The following HTATIP2 variants were observed in gnomAD, a reference collection of about 807,000 sequenced individuals.
HTATIP2 encodes the protein protein HTATIP2.
A neutral mutation model predicts 24.7 loss-of-function variants in HTATIP2; 26 were observed. The observed-to-expected ratio is 1.05, with a 90% CI of 0.77 to 1.46. The LOEUF is 1.46. Ranked by LOEUF, HTATIP2 falls within the 40% of genes most tolerant of loss-of-function variation. The pLI, the probability that HTATIP2 is intolerant of heterozygous loss-of-function variation, is 0.00. For synonymous variants in HTATIP2, 99 were observed against 113.2 expected (o/e 0.87, Z 0.79); for missense variants, 284 against 289.6 (o/e 0.98, Z 0.14).
chr11:20,375,094 G>A (rs781744704), intron 2 of HTATIP2, among the ~76,000 whole-genome samples: 4 of 151,962 alleles, frequency 2.6e-5, no homozygotes, highest in Non-Finnish European at 4.4e-5. Flanking sequence ...CTCTGCTCTC[G>A]GCTCTCCCAC....
At chr11:20,377,257 A>G (rs1848461086) in intron 3 of HTATIP2, among the ~76,000 whole-genome samples, 1 of 150,428 alleles carries the variant, frequency 6.6e-6, no homozygotes, top group Non-Finnish European at 1.5e-5. Flanking sequence ...TAATTTTTGT[A>G]TTTTTGGTAG....
At position 20,365,717 on chromosome 11, in the gene HTATIP2, A is replaced by C. The variant is rs2064693307; in HGVS notation, c.195+1285A>C. Among the ~76,000 whole-genome samples the C allele has an allele frequency of 2.6e-5, 4 of 152,204 alleles. 1 individual carries two copies. The South Asian group carries it at 8.3e-4, about 32-fold the overall frequency. ...CTGGGCGTGGTGGCTCATGCCTGTA[A>C]TCCCAGAGCTTTGGGAGTCCGAGGC... On this transcript the variant is annotated intron_variant, in intron 1 of 4. Transcript: ENST00000451739.
chr11:20,377,727 GATCT>G (rs1407199990), intron 3 of HTATIP2, among the ~76,000 whole-genome samples: 9 of 152,224 alleles, frequency 5.9e-5, no homozygotes, highest in Non-Finnish European at 1.3e-4. Flanking sequence ...TTTTGGGTCA[GATCT>G]ACTTGTCCAA....
intron 3 of HTATIP2, 35 bp from the exon 4 acceptor site, chr11:20,382,143 C>G: frequency 7.6e-7 from 1 of 1,309,960 alleles, no homozygotes; most frequent in Non-Finnish European, 1.1e-6. Context: ...GAGCTGGTCG[C>G]GATTAAATAC....
At chr11:20,381,461 A>AT (rs2133280133) in intron 3 of HTATIP2, among the ~76,000 whole-genome samples, 1 of 152,158 alleles carries the variant, frequency 6.6e-6, no homozygotes, top group South Asian at 2.1e-4. Flanking sequence ...ACATAAATAA[A>AT]TAAATAATTA....
chr11:20,376,509 C>A, intron 2 of HTATIP2, 71 bp from the exon 3 acceptor site: 15 of 1,564,528 alleles, frequency 9.6e-6, no homozygotes, highest in Non-Finnish European at 1.1e-5. Context: ...GCCTGCTACC[C>A]AAGCCAAGTA....
intron 3 of HTATIP2, among the ~76,000 whole-genome samples, chr11:20,380,523 T>TTAG: frequency 1.3e-5 from 2 of 152,030 alleles, no homozygotes; most frequent in South Asian, 4.2e-4. Context: ...ATACAAAAAA[T>TTAG]TAGCCGGGCG....
intron 2 of HTATIP2, 145 bp downstream of exon 2, chr11:20,367,426 C>T: frequency 1.3e-6 from 2 of 1,534,508 alleles, no homozygotes; most frequent in South Asian, 1.2e-5. Flanking sequence ...GCTGCACTAA[C>T]CTTTGGTATC....
At chr11:20,382,347 G>A (rs1848533286) in intron 4 of HTATIP2, 108 bp downstream of exon 4, 6 of 676,236 alleles carry the variant, frequency 8.9e-6, no homozygotes, top group Non-Finnish European at 1.5e-5. Context: ...AGATATGAAA[G>A]ACATTGGCTA....
At chr11:20,365,536 G>C (rs759470766) in intron 1 of HTATIP2, among the ~76,000 whole-genome samples, 24 of 152,146 alleles carry the variant, frequency 1.6e-4, no homozygotes, top group Non-Finnish European at 2.4e-4. Flanking sequence ...CTTGATTCTC[G>C]CAGGTCTGTG....
intron 3 of HTATIP2, among the ~76,000 whole-genome samples, chr11:20,378,721 A>T (rs554736011): frequency 3.3e-5 from 5 of 152,180 alleles, no homozygotes; most frequent in Non-Finnish European, 7.3e-5. Flanking sequence ...ATTTGCGTGG[A>T]AACAGGTACT....
chr11:20,382,960 T>TTTC lies in HTATIP2; in HGVS notation c.504-18_504-17insCTT. 2 of 1,368,942 alleles carry TTTC rather than the reference T, an allele frequency of 1.5e-6. No homozygotes were observed. Among genetic ancestry groups the TTTC allele is most frequent in the Admixed American group, 2.1e-5 (1 of 47,068 alleles). The allele number at this position is 1,368,942 out of a possible 1,614,324, so 84.8% of individuals were successfully genotyped here. ...CCTCTTCCTCTGCTTTTCTTTCTTT[T>TTTC]TTTTTTTTTTTTATTTTAGAGTTCT... On this transcript the variant is annotated intron_variant, in intron 4 of 4. Coordinates refer to ENST00000451739, the MANE Select transcript of HTATIP2 (RefSeq NM_001098522.2).
At chr11:20,368,945 G>GCCTTGCTT (rs2064742153) in intron 2 of HTATIP2, among the ~76,000 whole-genome samples, 1 of 152,098 alleles carries the variant, frequency 6.6e-6, no homozygotes. Context: ...AGCAAGAATA[G>GCCTTGCTT]ACTAATGAGC....
At position 20,376,605 on chromosome 11, in the gene HTATIP2, A is replaced by C; in HGVS notation, c.329A>C (p.Asp110Ala). The change falls in exon 3 of 5, where the codon GAT becomes GCT. Residue 110 changes from aspartate (D) to alanine (A), a missense_variant. Physicochemically the swap from Asp to Ala is moderately radical, Grantham distance 126. Coordinates refer to ENST00000451739, the MANE Select transcript of HTATIP2 (RefSeq NM_001098522.2). ...GAGGGATTTGTTCGTGTTGACCGAGATTATGTGCTGAAGTCTGCAGAGCTG... is the reference window on the plus strand; with the variant it reads ...GAGGGATTTGTTCGTGTTGACCGAGCTTATGTGCTGAAGTCTGCAGAGCTG... The part of the protein sequence containing the change: ...GAEGFVRVDR[D>A]YVLKSAELAK... The C allele has an allele frequency of 6.2e-7, 1 of 1,613,998 alleles. No individual in the cohort carries two copies. The highest frequency in any genetic ancestry group is 8.5e-7 in the Non-Finnish European group (1 of 1,179,940).
rs779615431 is a variant in HTATIP2 at position 20,364,229 on chromosome 11, T to C, written c.-9T>C. ...TAAGACCGGCATCTGTCGATGTTAT[T>C]TCCCCAGCATGGCCGAAACAGAAGC... On this transcript the variant is annotated 5_prime_UTR_variant, in exon 1 of 5. Coordinates refer to ENST00000451739, the MANE Select transcript of HTATIP2 (RefSeq NM_001098522.2). The C allele has an allele frequency of 1.3e-6, 2 of 1,589,238 alleles. No homozygotes were observed. The highest frequency in any genetic ancestry group is 2.7e-5 in the African/African-American group (2 of 74,202).
intron 2 of HTATIP2, 164 bp downstream of exon 2, chr11:20,367,445 A>G (rs2064723587): frequency 1.3e-6 from 2 of 1,491,544 alleles, no homozygotes; most frequent in Admixed American, 4.9e-5. Context: ...TCCTTTTAAT[A>G]GTACTGATAA....
chr11:20,367,761 G>A (rs1207120444), intron 2 of HTATIP2: 6 of 684,160 alleles, frequency 8.8e-6, no homozygotes, highest in Non-Finnish European at 9.2e-6. Context: ...AGCCTCCAGC[G>A]ATGACTCAGC....
intron 3 of HTATIP2, 36 bp from the exon 4 acceptor site, chr11:20,382,142 G>A (rs768872212): frequency 1.0e-5 from 13 of 1,273,652 alleles, no homozygotes; most frequent in East Asian, 4.6e-5. Flanking sequence ...TGAGCTGGTC[G>A]CGATTAAATA....
At chr11:20,379,527 T>C (rs919683924) in intron 3 of HTATIP2, among the ~76,000 whole-genome samples, 3 of 152,206 alleles carry the variant, frequency 2.0e-5, no homozygotes, top group Non-Finnish European at 4.4e-5. Context: ...ACTCCTTTAT[T>C]GTTTAGGAAC....
Sources: gnomAD v4.1 joint callset for allele counts (sites outside exome capture counted in the v4.1 genomes callset) on GRCh38, gnomAD v4.1.1 for gene constraint, MANE v1.5 for transcripts, NCBI Gene and HGNC (gene_info 2026-07-23, HGNC 2026-07-21) for gene names.